The following DCDC1 variants were observed in gnomAD, a reference collection of about 807,000 sequenced individuals.
DCDC1 encodes the protein doublecortin domain containing 1.
Under a neutral mutation model 178.3 loss-of-function variants are expected in DCDC1, and 200 were observed. The ratio of observed to expected loss-of-function variants is 1.12; its 90% CI spans 1.00 to 1.26. The LOEUF is 1.26. DCDC1 is among the 50% of genes most tolerant of loss of function. DCDC1 has a pLI of 0.00. For missense variants in DCDC1, 1,983 were observed against 1,749.2 expected, an observed-to-expected ratio of 1.13 and a Z score of -2.38; for synonymous variants, 690 against 604.8, an observed-to-expected ratio of 1.14 and a Z score of -2.07.
intron 7 of DCDC1, among the ~76,000 whole-genome samples, chr11:31,267,345 C>A (rs1945236638): frequency 6.6e-6 from 1 of 152,080 alleles, no homozygotes; most frequent in South Asian, 2.1e-4. Flanking sequence ...CATGCGCCAC[C>A]ACGCCCGGCT....
At chr11:31,353,750 A>C (rs1436343654) in intron 1 of DCDC1, among the ~76,000 whole-genome samples, 2 of 152,254 alleles carry the variant, frequency 1.3e-5, no homozygotes, top group Admixed American at 6.5e-5. Context: ...AAGCATGAAC[A>C]GAATAAGCAC....
chr11:31,103,529 A>G (rs1310112872), intron 14 of DCDC1, 115 bp downstream of exon 14: 1 of 564,628 alleles, frequency 1.8e-6, no homozygotes, highest in Non-Finnish European at 3.1e-6. Context: ...TTGCTTATTT[A>G]AGACAACTGA....
chr11:31,160,616 T>A (rs1966228994), intron 9 of DCDC1, among the ~76,000 whole-genome samples: 1 of 152,108 alleles, frequency 6.6e-6, no homozygotes, highest in South Asian at 2.1e-4. Flanking sequence ...TGAACCTGAG[T>A]TCCAAACTCC....
intron 20 of DCDC1, among the ~76,000 whole-genome samples, chr11:30,973,781 C>T (rs966326216): frequency 5.9e-5 from 9 of 152,108 alleles, no homozygotes; most frequent in Non-Finnish European, 8.8e-5. Context: ...AACTGTAATA[C>T]AGTAACAGTT....
intron 22 of DCDC1, among the ~76,000 whole-genome samples, chr11:30,928,896 T>C (rs1343029583): frequency 1.3e-5 from 2 of 151,828 alleles, no homozygotes; most frequent in East Asian, 1.9e-4. Context: ...TTTATTCATA[T>C]ATTGTCTTAT....
At chr11:31,358,593 C>G (rs959506299) in intron 1 of DCDC1, among the ~76,000 whole-genome samples, 23 of 152,132 alleles carry the variant, frequency 1.5e-4, no homozygotes, top group African/African-American at 4.1e-4. Context: ...CAAATGGGAT[C>G]TCATTAAACT....
At chr11:31,253,921 C>G (rs560531851) in intron 8 of DCDC1, among the ~76,000 whole-genome samples, 1 of 152,152 alleles carries the variant, frequency 6.6e-6, no homozygotes, top group African/African-American at 2.4e-5. Context: ...TGCTCTTCCC[C>G]GTGGAAGGGC....
At chr11:30,944,934 A>AAT (rs1947908868) in intron 21 of DCDC1, among the ~76,000 whole-genome samples, 1 of 151,584 alleles carries the variant, frequency 6.6e-6, no homozygotes, top group African/African-American at 2.4e-5. Flanking sequence ...GTAATTGTCA[A>AAT]ATCACAGACC....
chr11:31,104,314 T>C (rs1311282825), intron 13 of DCDC1, among the ~76,000 whole-genome samples: 3 of 152,178 alleles, frequency 2.0e-5, no homozygotes, highest in Non-Finnish European at 4.4e-5. Flanking sequence ...GCCATTTTTC[T>C]CTAAATTGCT....
intron 20 of DCDC1, among the ~76,000 whole-genome samples, chr11:31,000,457 T>C (rs1222280832): frequency 6.6e-6 from 1 of 152,170 alleles, no homozygotes; most frequent in Non-Finnish European, 1.5e-5. Context: ...GCCTTCATTT[T>C]CTAAATTTCA....
At chr11:31,135,001 TAAAAAAATTTTTAAAAAAATTTTA>T (rs1041120569) in intron 10 of DCDC1, among the ~76,000 whole-genome samples, 1 of 152,008 alleles carries the variant, frequency 6.6e-6, no homozygotes, top group Non-Finnish European at 1.5e-5. Context: ...ATCTCTAAAA[TAAAAAAATTTTTAAAAAAATTTTA>T]AAAAAGCTTA....
chr11:30,901,033 T>A (rs968618169), intron 32 of DCDC1, among the ~76,000 whole-genome samples: 3 of 152,158 alleles, frequency 2.0e-5, no homozygotes, highest in East Asian at 1.9e-4. Flanking sequence ...ACCTTGTTTT[T>A]ACTTGCTAGA....
At chr11:31,282,520 T>A (rs1031687668) in intron 7 of DCDC1, among the ~76,000 whole-genome samples, 9 of 152,034 alleles carry the variant, frequency 5.9e-5, no homozygotes, top group Non-Finnish European at 1.3e-4. Context: ...TGACCTGATA[T>A]ATTTGGTTAT....
At chr11:30,884,961 A>C (rs1446815509) in intron 36 of DCDC1, among the ~76,000 whole-genome samples, 1 of 152,096 alleles carries the variant, frequency 6.6e-6, no homozygotes, top group Non-Finnish European at 1.5e-5. Flanking sequence ...CATCTTTAAA[A>C]ATCAACAGGC....
At chr11:31,298,944 A>G (rs997338234) in intron 6 of DCDC1, among the ~76,000 whole-genome samples, 3 of 152,240 alleles carry the variant, frequency 2.0e-5, no homozygotes, top group Non-Finnish European at 2.9e-5. Flanking sequence ...TCTGACTGTC[A>G]AGTAGGTATA....
rs117664167 is a variant in DCDC1, at chr11:30,864,236, C to G, written c.*1137G>C. The G allele has an allele frequency of 6.6e-6, 1 of 152,146 alleles. No homozygotes were observed. The highest frequency in any genetic ancestry group is 1.5e-5 in the Non-Finnish European group (1 of 68,036). 9.4% of individuals were successfully genotyped at this position (152,146 alleles called of 1,614,324 possible). A position where few individuals can be genotyped will look rare whatever the true frequency, so the allele number is the denominator to read the frequency against. On this transcript the variant is annotated 3_prime_UTR_variant, in exon 39 of 39. Coordinates refer to ENST00000684477, the MANE Select transcript of DCDC1 (RefSeq NM_001387274.1). The stretch of plus-strand genomic sequence containing the variant: ...TGAGAACTGCTTCATGATTGCCTGT[C>G]GAAGTCTCAAATGTTGTCAATTCAT...
chr11:31,103,629 T>A lies in DCDC1; in HGVS notation c.1877+15A>T. 1.3e-6 allele frequency: 1 copy of A among 755,948 alleles called. No individual in the cohort carries two copies. Among genetic ancestry groups the A allele is most frequent in the Non-Finnish European group, 2.4e-6 (1 of 414,954 alleles). 46.8% of individuals were successfully genotyped at this position (755,948 alleles called of 1,614,324 possible). On this transcript the variant is annotated intron_variant, in intron 14 of 38. Transcript: ENST00000684477. ...ACTTTAACCACATCTTTAACAAGAT[T>A]ACTTGTTAATTTACTTGCCACATCC...
intron 6 of DCDC1, among the ~76,000 whole-genome samples, chr11:31,299,593 T>C (rs1341999870): frequency 6.6e-6 from 1 of 152,200 alleles, no homozygotes; most frequent in Non-Finnish European, 1.5e-5. Flanking sequence ...TCATGCTGTA[T>C]ACATAACTAC....
chr11:31,153,863 A>G (rs1237486121), intron 9 of DCDC1, among the ~76,000 whole-genome samples: 2 of 146,944 alleles, frequency 1.4e-5, no homozygotes, highest in Non-Finnish European at 3.0e-5. Context: ...TGTCATGCAC[A>G]CACACACACA....
Sources: allele counts gnomAD v4.1 joint callset (sites outside exome capture counted in the v4.1 genomes callset), GRCh38; gene constraint gnomAD v4.1.1; transcripts MANE v1.5; gene names NCBI Gene and HGNC (gene_info 2026-07-23, HGNC 2026-07-21).